The following DPP6 variants were observed in gnomAD, a reference collection of about 807,000 sequenced individuals.
DPP6 encodes the protein A-type potassium channel modulatory protein DPP6.
Under a neutral mutation model 122.6 loss-of-function variants are expected in DPP6, and 69 were observed. The observed-to-expected ratio is 0.56, with a 90% CI of 0.46 to 0.69. The LOEUF is 0.69. Ranked by LOEUF, DPP6 falls within the 30% of genes least tolerant of loss-of-function variation. The pLI, the probability that DPP6 is intolerant of heterozygous loss-of-function variation, is 0.00. For missense variants in DPP6, 928 were observed against 1,116.9 expected (o/e 0.83, Z 2.41); for synonymous variants, 418 against 433.1 (o/e 0.97, Z 0.43).
chr7:154,652,185 G>A (rs554422412), intron 6 of DPP6, among the ~76,000 whole-genome samples: 2 of 152,228 alleles, frequency 1.3e-5, no homozygotes, highest in African/African-American at 4.8e-5. Flanking sequence ...GGGCAAGGCA[G>A]AGCCACTGGA....
At chr7:153,892,344 C>G (rs1799237832) in intron 1 of DPP6, among the ~76,000 whole-genome samples, 1 of 151,800 alleles carries the variant, frequency 6.6e-6, no homozygotes, top group South Asian at 2.1e-4. Flanking sequence ...GATGGAGTCT[C>G]ACTCTGTCTC....
intron 6 of DPP6, among the ~76,000 whole-genome samples, chr7:154,664,089 G>A (rs1288673084): frequency 1.1e-4 from 13 of 114,528 alleles, no homozygotes; most frequent in East Asian, 6.1e-4. Flanking sequence ...TCACCATGGC[G>A]TATCGGCCGT....
intron 1 of DPP6, among the ~76,000 whole-genome samples, chr7:154,404,422 G>A (rs190641726): frequency 1.3e-3 from 202 of 152,220 alleles, no homozygotes; most frequent in African/African-American, 4.5e-3. Context: ...ATACCACACA[G>A]AAAATCAGAA....
At chr7:154,416,436 G>A (rs960687943) in intron 1 of DPP6, among the ~76,000 whole-genome samples, 2 of 152,118 alleles carry the variant, frequency 1.3e-5, no homozygotes, top group African/African-American at 4.8e-5. Context: ...AGTACAGGAA[G>A]ATATTTTGTG....
At chr7:154,797,994 G>A (rs1277990632) in intron 12 of DPP6, among the ~76,000 whole-genome samples, 1 of 152,214 alleles carries the variant, frequency 6.6e-6, no homozygotes, top group African/African-American at 2.4e-5. Context: ...TGGTGGACAT[G>A]GAGCAGGAGG....
At chr7:154,375,330 G>A (rs1405354798) in intron 1 of DPP6, among the ~76,000 whole-genome samples, 1 of 152,116 alleles carries the variant, frequency 6.6e-6, no homozygotes, top group Non-Finnish European at 1.5e-5. Context: ...GCGAGGGGAT[G>A]TTGGCCCGGG....
At chr7:154,035,508 A>G (rs1183233194) in intron 1 of DPP6, among the ~76,000 whole-genome samples, 1 of 152,110 alleles carries the variant, frequency 6.6e-6, no homozygotes, top group East Asian at 1.9e-4. Flanking sequence ...TCACTTCAGA[A>G]TGCAATTTTT....
intron 12 of DPP6, among the ~76,000 whole-genome samples, chr7:154,798,418 G>T (rs1798167654): frequency 6.6e-6 from 1 of 152,232 alleles, no homozygotes; most frequent in African/African-American, 2.4e-5. Context: ...GCAGAATCCA[G>T]TCAACACTTA....
chr7:154,293,669 G>T (rs1323014223), intron 1 of DPP6, among the ~76,000 whole-genome samples: 1 of 150,854 alleles, frequency 6.6e-6, no homozygotes, highest in Non-Finnish European at 1.5e-5. Context: ...ACATCTTTCA[G>T]TTATTCATGA....
rs1310409086 is a variant in DPP6 at position 154,508,837 on chromosome 7, T to A, written c.458-31695T>A. On this transcript the variant is annotated intron_variant, in intron 3 of 25. Transcript: ENST00000377770. ...GGAGTAAAGTTGTATAATATAATAA[T>A]GCATGTGAAAATGCTTATAATCTGG... 6.6e-5 allele frequency among the ~76,000 whole-genome samples: 10 copies of A among 152,234 alleles called. 1 individual carries two copies. The highest frequency in any genetic ancestry group is 3.3e-4 in the Admixed American group (5 of 15,288).
intron 12 of DPP6, among the ~76,000 whole-genome samples, chr7:154,796,738 A>T (rs1374043589): frequency 6.6e-6 from 1 of 152,234 alleles, no homozygotes; most frequent in East Asian, 1.9e-4. Flanking sequence ...AAGCTGGACA[A>T]AACTATCGCC....
intron 5 of DPP6, among the ~76,000 whole-genome samples, chr7:154,607,886 G>A (rs1457206029): frequency 1.7e-5 from 2 of 120,172 alleles, no homozygotes; most frequent in African/African-American, 5.3e-5. Context: ...TTAACTACAC[G>A]GGAAGTTGGC....
chr7:154,156,972 C>G (rs1272721560), intron 1 of DPP6, among the ~76,000 whole-genome samples: 1 of 152,256 alleles, frequency 6.6e-6, no homozygotes, highest in African/African-American at 2.4e-5. Context: ...TACATTGTTT[C>G]CCTGGTGGGG....
intron 1 of DPP6, among the ~76,000 whole-genome samples, chr7:153,951,958 A>C (rs918485813): frequency 6.6e-6 from 1 of 152,160 alleles, no homozygotes; most frequent in Non-Finnish European, 1.5e-5. Flanking sequence ...CAGGAGAATC[A>C]CATGAACCCG....
chr7:154,860,046 C>T lies in DPP6; in HGVS notation c.1714+6219C>T, dbSNP rs535622643. 2.6e-5 allele frequency among the ~76,000 whole-genome samples: 4 copies of T among 152,292 alleles called. No individual in the cohort carries two copies. The East Asian group carries it at 7.7e-4, about 29-fold the overall frequency. ...TGGCATCAAAAGTTAGGTTTCTCTA[C>T]CTCCTACTCTCTTCATTTGGGTCTT... is the stretch of plus-strand genomic sequence containing the variant. On this transcript the variant is annotated intron_variant, in intron 17 of 25. Transcript: ENST00000377770.
intron 17 of DPP6, among the ~76,000 whole-genome samples, chr7:154,861,601 C>T (rs1194273085): frequency 6.6e-6 from 1 of 152,232 alleles, no homozygotes; most frequent in Non-Finnish European, 1.5e-5. Context: ...AGGCCATAAT[C>T]ATTACTTGTT....
intron 1 of DPP6, among the ~76,000 whole-genome samples, chr7:154,091,572 G>A (rs2626664): frequency 0.37 from 54,969 of 150,494 alleles, 11,408 homozygotes; most frequent in East Asian, 0.53. Context: ...AGTCTCTCGC[G>A]GTATAACAAT....
chr7:154,440,572 T>A (rs1015070907), intron 1 of DPP6, among the ~76,000 whole-genome samples: 1 of 152,230 alleles, frequency 6.6e-6, no homozygotes, highest in Non-Finnish European at 1.5e-5. Context: ...TCTGGAATTA[T>A]TTAAAGCTAT....
chr7:153,872,102 C>T, the DPP6 span, among the ~76,000 whole-genome samples: 1 of 152,212 alleles, frequency 6.6e-6, no homozygotes, highest in Non-Finnish European at 1.5e-5. Flanking sequence ...AATGGATCCA[C>T]AATCGTTCCA....
Sources: allele counts gnomAD v4.1 joint callset (sites outside exome capture counted in the v4.1 genomes callset), GRCh38; gene constraint gnomAD v4.1.1; transcripts MANE v1.5; gene names NCBI Gene and HGNC (gene_info 2026-07-23, HGNC 2026-07-21).